The following LHFPL6 variants were observed in gnomAD, a reference collection of about 807,000 sequenced individuals.
The protein encoded by LHFPL6 is LHFPL tetraspan subfamily member 6, also known as LHFPL tetraspan subfamily member 6 protein.
LHFPL6 carries 9 observed loss-of-function variants against 20.6 expected under a neutral mutation model. The ratio of observed to expected loss-of-function variants is 0.44; its 90% confidence interval spans 0.26 to 0.76. The LOEUF is 0.76. Among genes scored for constraint, LHFPL6 ranks in the 30% least tolerant of loss-of-function variants. LHFPL6 has a pLI of 0.20. For synonymous variants in LHFPL6, 105 were observed against 98.7 expected (o/e 1.06, Z -0.38); for missense variants, 218 against 253.5 (o/e 0.86, Z 0.95).
intron 2 of LHFPL6, among the ~76,000 whole-genome samples, chr13:39,451,837 A>T (rs1872451462): frequency 6.6e-6 from 1 of 152,222 alleles, no homozygotes; most frequent in Non-Finnish European, 1.5e-5. Context: ...GTATATATTC[A>T]AGTAATTCCT....
At chr13:39,564,491 G>A (rs531932619) in intron 2 of LHFPL6, among the ~76,000 whole-genome samples, 149 of 152,136 alleles carry the variant, frequency 9.8e-4, no homozygotes, top group African/African-American at 3.4e-3. Flanking sequence ...CAAAACCCAA[G>A]AGCATTAAAA....
At chr13:39,464,270 A>G (rs1206408158) in intron 2 of LHFPL6, among the ~76,000 whole-genome samples, 4 of 152,340 alleles carry the variant, frequency 2.6e-5, no homozygotes, top group East Asian at 1.9e-4. Flanking sequence ...TTGGGGGCCA[A>G]TTAAATCTTT....
chr13:39,409,222 G>C (rs770289475), intron 2 of LHFPL6, among the ~76,000 whole-genome samples: 1 of 152,178 alleles, frequency 6.6e-6, no homozygotes, highest in Non-Finnish European at 1.5e-5. Context: ...GGGAGGCTGA[G>C]GTGGGCGGAT....
chr13:39,511,175 A>C (rs1869690918), intron 2 of LHFPL6, among the ~76,000 whole-genome samples: 1 of 152,054 alleles, frequency 6.6e-6, no homozygotes, highest in Non-Finnish European at 1.5e-5. Flanking sequence ...ACCTAGCCAA[A>C]ATATTTTCTT....
intron 2 of LHFPL6, among the ~76,000 whole-genome samples, chr13:39,478,555 A>G (rs1868389292): frequency 6.6e-6 from 1 of 152,128 alleles, no homozygotes; most frequent in African/African-American, 2.4e-5. Flanking sequence ...GCGCAGATAA[A>G]ACATTATTTC....
At chr13:39,466,946 AT>A (rs1872819173) in intron 2 of LHFPL6, among the ~76,000 whole-genome samples, 1 of 152,236 alleles carries the variant, frequency 6.6e-6, no homozygotes, top group South Asian at 2.1e-4. Flanking sequence ...GCTTTGTTCT[AT>A]AAAGTCTTAC....
chr13:39,417,468 C>G (rs997736791), intron 2 of LHFPL6, among the ~76,000 whole-genome samples: 1 of 152,158 alleles, frequency 6.6e-6, no homozygotes, highest in Admixed American at 6.5e-5. Flanking sequence ...TTTCTATTTC[C>G]CTCTGTCATT....
chr13:39,386,077 T>A lies in LHFPL6; in HGVS notation c.386-7551A>T, dbSNP rs141259779. 2.9e-3 allele frequency among the ~76,000 whole-genome samples: 441 copies of A among 152,318 alleles called. 1 individual carries two copies. The highest frequency in any genetic ancestry group is 0.01 in the African/African-American group (419 of 41,564). On this transcript the variant is annotated intron_variant, in intron 2 of 3. Coordinates refer to ENST00000379589, the MANE Select transcript of LHFPL6 (RefSeq NM_005780.3). ...TCCAGTTCCTTTATCTTCCTTTCTG[T>A]GGTAAGCACCGAGGGAAATTGTTTT...
chr13:39,377,541 G>A (rs1194782709), intron 3 of LHFPL6, among the ~76,000 whole-genome samples: 2 of 152,078 alleles, frequency 1.3e-5, no homozygotes, highest in Non-Finnish European at 2.9e-5. Context: ...ACAGATACTG[G>A]AATAGACTAA....
chr13:39,362,776 A>AC (rs1869909657), intron 3 of LHFPL6, among the ~76,000 whole-genome samples: 1 of 152,180 alleles, frequency 6.6e-6, no homozygotes, highest in African/African-American at 2.4e-5. Flanking sequence ...ACCATACCCA[A>AC]CTGAGCAAAC....
At chr13:39,503,338 T>C (rs1053887508) in intron 2 of LHFPL6, among the ~76,000 whole-genome samples, 12 of 152,190 alleles carry the variant, frequency 7.9e-5, no homozygotes, top group African/African-American at 2.7e-4. Flanking sequence ...GATATCCACA[T>C]GGTCAACTCT....
At chr13:39,427,650 A>T (rs201939134) in intron 2 of LHFPL6, among the ~76,000 whole-genome samples, 10 of 152,152 alleles carry the variant, frequency 6.6e-5, no homozygotes, top group East Asian at 3.8e-4. Flanking sequence ...ATGTAAAAAA[A>T]TTTTTTTACA....
chr13:39,478,890 T>G (rs997364870), intron 2 of LHFPL6, among the ~76,000 whole-genome samples: 3 of 152,082 alleles, frequency 2.0e-5, no homozygotes, highest in Admixed American at 1.3e-4. Flanking sequence ...ACAGGACTTC[T>G]CAGCCTCCAT....
chr13:39,577,851 G>A (rs1872163453), intron 2 of LHFPL6, among the ~76,000 whole-genome samples: 1 of 151,794 alleles, frequency 6.6e-6, no homozygotes, highest in Admixed American at 6.6e-5. Flanking sequence ...ATGTTGGCCA[G>A]GCTGGTCTCA....
intron 2 of LHFPL6, among the ~76,000 whole-genome samples, chr13:39,434,420 C>G (rs1156675041): frequency 6.6e-6 from 1 of 152,204 alleles, no homozygotes; most frequent in Non-Finnish European, 1.5e-5. Flanking sequence ...CTCTATCAAG[C>G]ATTTGCAACA....
chr13:39,535,894 T>C (rs983722940), intron 2 of LHFPL6, among the ~76,000 whole-genome samples: 10 of 152,168 alleles, frequency 6.6e-5, no homozygotes, highest in African/African-American at 2.2e-4. Context: ...GCAGAGACCA[T>C]TAGCATTCTA....
chr13:39,510,856 G>A (rs894335149), intron 2 of LHFPL6, among the ~76,000 whole-genome samples: 1 of 145,768 alleles, frequency 6.9e-6, no homozygotes, highest in African/African-American at 2.6e-5. Context: ...ACTGGTATTT[G>A]TAATCATTAC....
chr13:39,584,176 C>G (rs1223888152), intron 2 of LHFPL6, among the ~76,000 whole-genome samples: 1 of 152,174 alleles, frequency 6.6e-6, no homozygotes, highest in African/African-American at 2.4e-5. Context: ...CTTTTCTGAG[C>G]AGCAATGTAT....
intron 2 of LHFPL6, among the ~76,000 whole-genome samples, chr13:39,425,306 C>T (rs1871609739): frequency 6.6e-6 from 1 of 152,188 alleles, no homozygotes; most frequent in African/African-American, 2.4e-5. Flanking sequence ...TTTGCTTATC[C>T]ATTCACCTGT....
Sources: gnomAD v4.1 joint callset for allele counts (sites outside exome capture counted in the v4.1 genomes callset) on GRCh38, gnomAD v4.1.1 for gene constraint, MANE v1.5 for transcripts, NCBI Gene and HGNC (gene_info 2026-07-23, HGNC 2026-07-21) for gene names.